STXBP3: variants seen among roughly 807,000 people sequenced by gnomAD.
STXBP3 encodes syntaxin-binding protein 3.
A neutral mutation model predicts 85.7 loss-of-function variants in STXBP3; 41 were observed. That is an observed-to-expected ratio of 0.48 (90% CI 0.37 to 0.62). The LOEUF (loss-of-function observed/expected upper bound fraction) is 0.62. Ranked by LOEUF, STXBP3 falls within the 20% of genes least tolerant of loss-of-function variation. The probability of loss-of-function intolerance (pLI) is 0.00; values close to 1 mark genes in which losing one functional copy is unlikely to be tolerated. For missense variants in STXBP3, 563 were observed against 703.1 expected, an observed-to-expected ratio of 0.80 and a Z score of 2.25; for synonymous variants, 229 against 231.7, an observed-to-expected ratio of 0.99 and a Z score of 0.10.
Position 108,772,258 on chromosome 1 carries a change from CAT to C in STXBP3, c.439-404_439-403del, listed in dbSNP as rs1168760262. Among the ~76,000 whole-genome samples the C allele has an allele frequency of 1.6e-3, 121 of 75,904 alleles. 2 individuals carry two copies. The highest frequency in any genetic ancestry group is 0.014 in the Admixed American group (87 of 6,390). The allele number at this position is 75,904 out of a possible 152,430, so 49.8% of individuals were successfully genotyped here. A position where few individuals can be genotyped will look rare whatever the true frequency, so the allele number is the denominator to read the frequency against. On this transcript the variant is annotated intron_variant, in intron 6 of 18. Coordinates refer to ENST00000370008, the MANE Select transcript of STXBP3 (RefSeq NM_007269.4). ...TATCTATCTGTATCATATATAAATA[CAT>C]ATGATATCTATCTGTATCATATATA... is the stretch of plus-strand genomic sequence containing the variant.
At chr1:108,768,896 G>A (rs1662322599) in intron 6 of STXBP3, among the ~76,000 whole-genome samples, 1 of 152,090 alleles carries the variant, frequency 6.6e-6, no homozygotes, top group Non-Finnish European at 1.5e-5. Context: ...CCTTTCAGAG[G>A]ATTTAAGGTA....
At chr1:108,774,801 G>A (rs1037236798) in intron 7 of STXBP3, among the ~76,000 whole-genome samples, 1 of 151,888 alleles carries the variant, frequency 6.6e-6, no homozygotes, top group Non-Finnish European at 1.5e-5. Context: ...ACTCAGTGGA[G>A]CTAAGTGGTT....
intron 1 of STXBP3, among the ~76,000 whole-genome samples, chr1:108,749,099 T>C (rs932030065): frequency 5.3e-5 from 8 of 152,110 alleles, no homozygotes; most frequent in Non-Finnish European, 7.4e-5. Flanking sequence ...CCAGATAGGA[T>C]TCTATTGCAG....
At chr1:108,781,125 T>C (rs953300719) in intron 9 of STXBP3, 1 of 152,194 alleles carries the variant, frequency 6.6e-6, no homozygotes, top group Non-Finnish European at 1.5e-5. Flanking sequence ...GTCAAAGGTA[T>C]TGTGTAAGAA....
At chr1:108,801,479 T>A (rs900325548) in intron 17 of STXBP3, among the ~76,000 whole-genome samples, 3 of 152,122 alleles carry the variant, frequency 2.0e-5, no homozygotes, top group African/African-American at 7.2e-5. Context: ...TAAAATTTTT[T>A]AATTTTTTAT....
At chr1:108,785,612 T>C (rs946454246) in intron 11 of STXBP3, among the ~76,000 whole-genome samples, 1 of 152,200 alleles carries the variant, frequency 6.6e-6, no homozygotes, top group African/African-American at 2.4e-5. Context: ...CTTATGCAGA[T>C]TTCAGCAGCC....
At chr1:108,789,391 T>G (rs995627662) in intron 11 of STXBP3, among the ~76,000 whole-genome samples, 17 of 152,298 alleles carry the variant, frequency 1.1e-4, no homozygotes, top group African/African-American at 4.1e-4. Context: ...ACAGTTCTTC[T>G]TCCAGTGTGG....
chr1:108,801,865 C>G (rs1270183793), intron 17 of STXBP3, among the ~76,000 whole-genome samples: 2 of 151,906 alleles, frequency 1.3e-5, no homozygotes, highest in East Asian at 3.9e-4. Flanking sequence ...GACAGGGTCT[C>G]ACTATGTTGC....
At chr1:108,747,701 C>T (rs1661822121) in intron 1 of STXBP3, among the ~76,000 whole-genome samples, 1 of 152,212 alleles carries the variant, frequency 6.6e-6, no homozygotes, top group Admixed American at 6.5e-5. Flanking sequence ...ATTTAGTCAG[C>T]AGAATTCTGG....
At chr1:108,782,381 G>GA (rs752236976) in intron 9 of STXBP3, 41 bp from the exon 10 acceptor site, 2 of 1,447,316 alleles carry the variant, frequency 1.4e-6, no homozygotes, top group South Asian at 1.2e-5. Context: ...ATTTTGGAGG[G>GA]AAAAAAATCA....
intron 17 of STXBP3, among the ~76,000 whole-genome samples, 199 bp downstream of exon 17, chr1:108,800,504 A>G (rs1406856261): frequency 6.6e-6 from 1 of 152,230 alleles, no homozygotes; most frequent in African/African-American, 2.4e-5. Context: ...TTCATGAAAC[A>G]AGAAGTATTT....
At chr1:108,784,817 G>T (rs1273412674) in intron 11 of STXBP3, among the ~76,000 whole-genome samples, 1 of 152,200 alleles carries the variant, frequency 6.6e-6, no homozygotes, top group Non-Finnish European at 1.5e-5. Flanking sequence ...TGTTCCAAAT[G>T]GGAGAAATTG....
intron 17 of STXBP3, among the ~76,000 whole-genome samples, chr1:108,801,276 G>GT (rs927452150): frequency 4.6e-5 from 7 of 150,578 alleles, no homozygotes; most frequent in South Asian, 2.1e-4. Flanking sequence ...CCTACTGAAT[G>GT]TTTTTTTTTC....
At chr1:108,794,944 A>G (rs1404278701) in intron 13 of STXBP3, 37 bp downstream of exon 13, 2 of 1,540,546 alleles carry the variant, frequency 1.3e-6, no homozygotes, top group South Asian at 1.2e-5. Flanking sequence ...GTTCATAACA[A>G]ATTTCAAGGA....
At chr1:108,786,592 T>TGACCATAAATG (rs1662833418) in intron 11 of STXBP3, among the ~76,000 whole-genome samples, 1 of 152,268 alleles carries the variant, frequency 6.6e-6, no homozygotes, top group South Asian at 2.1e-4. Context: ...GTGAATCAAG[T>TGACCATAAATG]GACCATAAAT....
intron 7 of STXBP3, 86 bp from the exon 8 acceptor site, chr1:108,776,247 A>T (rs1662590438): frequency 2.4e-6 from 2 of 831,094 alleles, no homozygotes; most frequent in African/African-American, 1.7e-5. Flanking sequence ...TTTAAATTTC[A>T]GTTTAATTTT....
At chr1:108,805,615 G>A (rs1301016628) in intron 17 of STXBP3, among the ~76,000 whole-genome samples, 1 of 152,022 alleles carries the variant, frequency 6.6e-6, no homozygotes, top group African/African-American at 2.4e-5. Context: ...AGTAGAGAGG[G>A]GGTTTCACCA....
intron 16 of STXBP3, 77 bp downstream of exon 16, chr1:108,798,314 G>T: frequency 8.5e-7 from 1 of 1,180,568 alleles, no homozygotes; most frequent in Non-Finnish European, 1.2e-6. Flanking sequence ...GTTTATGTCA[G>T]TCTGAGTATA....
intron 11 of STXBP3, among the ~76,000 whole-genome samples, chr1:108,786,813 C>G (rs1343828416): frequency 6.6e-6 from 1 of 152,158 alleles, no homozygotes; most frequent in Admixed American, 6.5e-5. Flanking sequence ...TCAACAGAAA[C>G]ATTTAACTGA....
Sources: gnomAD v4.1 joint callset for allele counts (sites outside exome capture counted in the v4.1 genomes callset) on GRCh38, gnomAD v4.1.1 for gene constraint, MANE v1.5 for transcripts, NCBI Gene and HGNC (gene_info 2026-07-23, HGNC 2026-07-21) for gene names.